SERPING1: variants seen among roughly 807,000 people sequenced by gnomAD.
The protein encoded by SERPING1 is plasma protease C1 inhibitor.
SERPING1 carries 5 observed loss-of-function variants against 34.1 expected under a neutral mutation model. The ratio of observed to expected loss-of-function variants is 0.15; its 90% CI spans 0.08 to 0.31. The LOEUF (loss-of-function observed/expected upper bound fraction) is 0.31, where lower values mean the gene tolerates loss of function less well. Among genes scored for constraint, SERPING1 ranks in the 10% least tolerant of loss-of-function variants. The pLI, the probability that SERPING1 is intolerant of heterozygous loss-of-function variation, is 1.00. For missense variants in SERPING1, 505 were observed against 609.5 expected (o/e 0.83, Z 1.81); for synonymous variants, 225 against 242.4 (o/e 0.93, Z 0.67).
chr11:57,606,373 T>C (rs1421773208), intron 5 of SERPING1, 35 bp from the exon 6 acceptor site: 2 of 1,613,852 alleles, frequency 1.2e-6, no homozygotes, highest in Admixed American at 1.7e-5. Flanking sequence ...TTTTCCTACC[T>C]GCATTAGAGC....
intron 4 of SERPING1, among the ~76,000 whole-genome samples, chr11:57,604,828 G>C (rs945579027): frequency 4.0e-5 from 6 of 151,742 alleles, no homozygotes; most frequent in Admixed American, 2.6e-4. Flanking sequence ...AACATAGACA[G>C]ACCTCATCTC....
At chr11:57,611,625 G>T in intron 6 of SERPING1, 92 bp from the exon 7 acceptor site, 1 of 1,170,974 alleles carries the variant, frequency 8.5e-7, no homozygotes. Flanking sequence ...ACAGACTGTG[G>T]GAGCAGACTG....
chr11:57,602,190 A>C, intron 4 of SERPING1, 21 bp downstream of exon 4: 2 of 1,613,762 alleles, frequency 1.2e-6, no homozygotes, highest in Non-Finnish European at 1.7e-6. Context: ...AGGAATGGGC[A>C]GTGTCTGCAG....
chr11:57,612,487 C>G (rs966889094), intron 7 of SERPING1, among the ~76,000 whole-genome samples: 2 of 150,626 alleles, frequency 1.3e-5, no homozygotes, highest in Admixed American at 1.3e-4. Flanking sequence ...CTGCTCACTG[C>G]AAGATCCGCC....
intron 6 of SERPING1, among the ~76,000 whole-genome samples, chr11:57,609,559 G>A (rs1447984656): frequency 2.6e-5 from 4 of 151,748 alleles, no homozygotes; most frequent in East Asian, 1.9e-4. Flanking sequence ...CAGCCTGAGC[G>A]ACAGAGTGAG....
intron 7 of SERPING1, among the ~76,000 whole-genome samples, chr11:57,614,002 C>G (rs1945507886): frequency 6.6e-6 from 1 of 152,042 alleles, no homozygotes; most frequent in South Asian, 2.1e-4. Flanking sequence ...TTGCATATAA[C>G]CTCATTTTTT....
chr11:57,601,540 A>C lies in SERPING1; in HGVS notation c.551-495A>C, dbSNP rs28362948. Among the ~76,000 whole-genome samples the C allele has an allele frequency of 0.21, 31,578 of 151,856 alleles. 3,704 individuals are homozygous for C. The highest frequency in any genetic ancestry group is 0.27 in the Non-Finnish European group (18,344 of 67,866). The stretch of plus-strand genomic sequence containing the variant: ...ATGGCACAAACAAATTACTACAAGC[A>C]GTGGGGACAGAGCTATTACTCCCCA... On this transcript the variant is annotated intron_variant, in intron 3 of 7. Transcript: ENST00000278407.
Position 57,614,725 on chromosome 11 carries a change from T to C in SERPING1, c.*144T>C, listed in dbSNP as rs953870466. On this transcript the variant is annotated 3_prime_UTR_variant, in exon 8 of 8. Transcript: ENST00000278407. ...CCACCAAAAGGGCTCCCTGAGGGTC[T>C]GGGCAAGGGACCTGCTTCTATTAGC... 1.1e-6 allele frequency: 1 copy of C among 944,628 alleles called. No homozygotes were observed. The highest frequency in any genetic ancestry group is 1.7e-5 in the African/African-American group (1 of 60,284). The allele number at this position is 944,628 out of a possible 1,614,324, so 58.5% of individuals were successfully genotyped here.
At chr11:57,599,210 C>G (rs781217331) in intron 2 of SERPING1, among the ~76,000 whole-genome samples, 6 of 152,148 alleles carry the variant, frequency 3.9e-5, no homozygotes, top group Admixed American at 1.3e-4. Context: ...TGCAGTATAT[C>G]TCTAGCCTCT....
rs1945405482 is a variant in SERPING1, at chr11:57,606,070, G to T, written c.746G>T (p.Arg249Ile). Residue 249 changes from arginine to isoleucine, a missense_variant, in exon 5 of 8, where the codon AGA becomes ATA. Arg to Ile is a moderately conservative substitution (Grantham distance 97). Transcript: ENST00000278407. Reference sequence around the variant, plus strand: ...CGGACCCTGTACAGCAGCAGCCCCAGAGTCCTAAGCAACAACAGTGACGCC... The same window carrying T: ...CGGACCCTGTACAGCAGCAGCCCCATAGTCCTAAGCAACAACAGTGACGCC... ...ASRTLYSSSPRVLSNNSDANL... is the reference protein window; with the variant it reads ...ASRTLYSSSPIVLSNNSDANL... The T allele has an allele frequency of 3.7e-6, 6 of 1,614,022 alleles. No homozygotes were observed. Among genetic ancestry groups the T allele is most frequent in the Non-Finnish European group, 5.1e-6 (6 of 1,180,044 alleles).
At chr11:57,607,766 TCTC>T (rs1457278911) in intron 6 of SERPING1, among the ~76,000 whole-genome samples, 2 of 152,184 alleles carry the variant, frequency 1.3e-5, no homozygotes, top group African/African-American at 4.8e-5. Flanking sequence ...TTCAAGCAGT[TCTC>T]CTGCCTCAGC....
chr11:57,601,066 T>C (rs1288528504), intron 3 of SERPING1, among the ~76,000 whole-genome samples: 1 of 151,974 alleles, frequency 6.6e-6, no homozygotes. Context: ...AGTCCTCTTG[T>C]GTAAAATAGT....
chr11:57,612,190 G>C (rs113769653), intron 7 of SERPING1, among the ~76,000 whole-genome samples: 1 of 152,042 alleles, frequency 6.6e-6, no homozygotes, highest in East Asian at 1.9e-4. Context: ...CCAGAACACC[G>C]ACCCAGGTCT....
intron 2 of SERPING1, 112 bp from the exon 3 acceptor site, chr11:57,599,767 T>C (rs1341655455): frequency 9.4e-5 from 138 of 1,474,556 alleles, no homozygotes; most frequent in Non-Finnish European, 1.2e-4. Flanking sequence ...CAGAAATTAC[T>C]CTCTTGTACA....
chr11:57,598,081 A>G, intron 1 of SERPING1, 168 bp from the exon 2 acceptor site: 1 of 592,378 alleles, frequency 1.7e-6, no homozygotes, highest in Non-Finnish European at 3.0e-6. Flanking sequence ...GTTTGGGGAA[A>G]ACAAAACAGA....
intron 6 of SERPING1, among the ~76,000 whole-genome samples, chr11:57,606,996 A>C (rs956467878): frequency 1.3e-5 from 2 of 152,220 alleles, no homozygotes; most frequent in East Asian, 3.8e-4. Flanking sequence ...TAAATGGCTT[A>C]AGTGCATTAG....
In SERPING1 at chr11:57,603,384, G is replaced by A. The variant is rs531795400; in HGVS notation, c.685+1215G>A. ...AACATAGTGAAACTCCGTCTCTACT[G>A]AAAATACAAGAAATTACCCTGGCAT... On this transcript the variant is annotated intron_variant, in intron 4 of 7. Transcript: ENST00000278407. Among the ~76,000 whole-genome samples, 4 of 150,152 alleles carry A rather than the reference G, an allele frequency of 2.7e-5. No individual in the cohort carries two copies. The East Asian group carries it at 7.9e-4, about 30-fold the overall frequency.
chr11:57,602,252 G>A (rs1945356568), intron 4 of SERPING1, 83 bp downstream of exon 4: 1 of 1,524,662 alleles, frequency 6.6e-7, no homozygotes, highest in Non-Finnish European at 9.1e-7. Context: ...GGGAAAGAAA[G>A]GACAGAGGGA....
At chr11:57,599,815 G>A (rs769659520) in intron 2 of SERPING1, 64 bp from the exon 3 acceptor site, 19 of 1,611,126 alleles carry the variant, frequency 1.2e-5, no homozygotes, top group Middle Eastern at 3.3e-4. Context: ...TTCCTGCTTT[G>A]AGTATTTTAG....
Sources: gnomAD v4.1 joint callset for allele counts (sites outside exome capture counted in the v4.1 genomes callset) on GRCh38, gnomAD v4.1.1 for gene constraint, MANE v1.5 for transcripts, NCBI Gene and HGNC (gene_info 2026-07-23, HGNC 2026-07-21) for gene names.